The following NFU1 variants were observed in gnomAD, a reference collection of about 807,000 sequenced individuals.
The protein encoded by NFU1 is NFU1 iron-sulfur cluster scaffold homolog, mitochondrial.
In NFU1, 30 loss-of-function variants were observed where a neutral mutation model predicts 32.2. The observed-to-expected ratio is 0.93, with a 90% CI of 0.70 to 1.26. The LOEUF is 1.26. Among genes scored for constraint, NFU1 ranks in the 50% most tolerant of loss-of-function variants. The probability of loss-of-function intolerance (pLI) is 0.00; values close to 1 mark genes in which losing one functional copy is unlikely to be tolerated. For synonymous variants in NFU1, 112 were observed against 104.6 expected, an observed-to-expected ratio of 1.07 and a Z score of -0.43; for missense variants, 306 against 306.6, an observed-to-expected ratio of 1.00 and a Z score of 0.02.
chr2:69,398,969 T>C (rs1416283994), intron 7 of NFU1, among the ~76,000 whole-genome samples: 1 of 152,114 alleles, frequency 6.6e-6, no homozygotes, highest in African/African-American at 2.4e-5. Flanking sequence ...CCTAGCACTC[T>C]GGGAGGCCGA....
intron 5 of NFU1, among the ~76,000 whole-genome samples, chr2:69,411,411 A>C (rs1672873406): frequency 1.3e-5 from 2 of 152,208 alleles, no homozygotes; most frequent in Non-Finnish European, 2.9e-5. Context: ...CAAAAGGCAT[A>C]AACCACAAAG....
At chr2:69,423,518 T>G in intron 3 of NFU1, 64 bp downstream of exon 3, 2 of 1,484,020 alleles carry the variant, frequency 1.3e-6, no homozygotes, top group Non-Finnish European at 1.9e-6. Flanking sequence ...CAGAGTTGTC[T>G]TAACCCCAAA....
chr2:69,438,747 G>T (rs917894775), upstream of NFU1, among the ~76,000 whole-genome samples: 9 of 152,060 alleles, frequency 5.9e-5, no homozygotes, highest in Non-Finnish European at 4.4e-5. Flanking sequence ...GGGTGGGTGG[G>T]TTTCAGGCCT....
chr2:69,417,524 C>A (rs1423395201), intron 4 of NFU1, among the ~76,000 whole-genome samples: 1 of 151,458 alleles, frequency 6.6e-6, no homozygotes. Flanking sequence ...TAGTGGCATG[C>A]ACCTGTAGTC....
chr2:69,405,009 G>A (rs1183690104), intron 6 of NFU1, among the ~76,000 whole-genome samples: 1 of 150,200 alleles, frequency 6.7e-6, no homozygotes, highest in Admixed American at 6.7e-5. Flanking sequence ...AGCACTTTGA[G>A]AAGTTGAGGT....
In NFU1 at chr2:69,397,618, T is replaced by TTA. The variant is rs556775165; in HGVS notation, c.721-1329_721-1328insTA. Reference sequence around the variant, plus strand: ...TGGAACAAAGTAAGGTTTTTTTTTTTAAAAAAAATCTAGGCCAGGCACAGT... The same window carrying TTA: ...TGGAACAAAGTAAGGTTTTTTTTTTTTAAAAAAAAATCTAGGCCAGGCACAGT... On this transcript the variant is annotated intron_variant, in intron 7 of 7. Transcript: ENST00000410022. Among the ~76,000 whole-genome samples, 18 of 150,774 alleles carry TTA rather than the reference T, an allele frequency of 1.2e-4. No homozygotes were observed. In the East Asian group the frequency reaches 1.7e-3, roughly 15 times the overall value.
chr2:69,437,466 A>C (rs763217372), upstream of NFU1: 207 of 1,594,356 alleles, frequency 1.3e-4, no homozygotes, highest in Non-Finnish European at 1.7e-4. Flanking sequence ...GAACCACGAA[A>C]GATCTGCGCA....
At chr2:69,436,077 C>G (rs909389046) in intron 1 of NFU1, among the ~76,000 whole-genome samples, 2 of 152,172 alleles carry the variant, frequency 1.3e-5, no homozygotes, top group Non-Finnish European at 2.9e-5. Context: ...TATTACAGCA[C>G]TCATGACTGT....
At chr2:69,438,397 G>C (rs896521824), upstream of NFU1, among the ~76,000 whole-genome samples, 1 of 152,060 alleles carries the variant, frequency 6.6e-6, no homozygotes, top group African/African-American at 2.4e-5. Context: ...GGGATTACAG[G>C]TGTGAGCCAC....
chr2:69,411,579 C>T (rs1290941311), intron 5 of NFU1, among the ~76,000 whole-genome samples: 2 of 151,894 alleles, frequency 1.3e-5, no homozygotes, highest in Non-Finnish European at 2.9e-5. Context: ...TATATATATA[C>T]AGAGAGAATG....
intron 5 of NFU1, among the ~76,000 whole-genome samples, chr2:69,414,293 C>T (rs1672981715): frequency 6.6e-6 from 1 of 151,932 alleles, no homozygotes; most frequent in South Asian, 2.1e-4. Flanking sequence ...AAATATTACA[C>T]TTAGTAAAAA....
chr2:69,416,879 C>T (rs1040960316), intron 4 of NFU1, among the ~76,000 whole-genome samples: 5 of 152,006 alleles, frequency 3.3e-5, no homozygotes, highest in African/African-American at 9.7e-5. Context: ...GCCTGGGCGA[C>T]GGAGTGAGAC....
chr2:69,411,953 G>A (rs569618270), intron 5 of NFU1, among the ~76,000 whole-genome samples: 4 of 152,130 alleles, frequency 2.6e-5, no homozygotes, highest in African/African-American at 9.7e-5. Flanking sequence ...GCCAGGTGGC[G>A]GTGGTTCATG....
chr2:69,415,956 G>A (rs917419706), intron 4 of NFU1, among the ~76,000 whole-genome samples: 9 of 150,806 alleles, frequency 6.0e-5, no homozygotes, highest in South Asian at 2.1e-4. Context: ...GCGAGACTTC[G>A]TCTCTTTTTA....
intron 4 of NFU1, among the ~76,000 whole-genome samples, chr2:69,417,411 G>C (rs1451487162): frequency 6.6e-6 from 1 of 151,272 alleles, no homozygotes; most frequent in African/African-American, 2.4e-5. Context: ...GGGAGGCCGA[G>C]ACAGAAGGAT....
At chr2:69,438,127 A>T (rs1198083959), upstream of NFU1, among the ~76,000 whole-genome samples, 1 of 152,030 alleles carries the variant, frequency 6.6e-6, no homozygotes, top group African/African-American at 2.4e-5. Flanking sequence ...ACTAGGGGCC[A>T]AAAAAAAGCA....
chr2:69,400,218 C>T, intron 7 of NFU1, 146 bp downstream of exon 7: 1 of 740,336 alleles, frequency 1.4e-6, no homozygotes, highest in African/African-American at 1.8e-5. Flanking sequence ...ATAAAAATTG[C>T]AACACAAAAA....
chr2:69,400,213 A>G (rs1672474966), intron 7 of NFU1, 151 bp downstream of exon 7: 1 of 716,968 alleles, frequency 1.4e-6, no homozygotes, highest in African/African-American at 1.8e-5. Flanking sequence ...GTCTGATAAA[A>G]ATTGCAACAC....
At chr2:69,435,810 T>C (rs1673810285) in intron 1 of NFU1, among the ~76,000 whole-genome samples, 1 of 152,152 alleles carries the variant, frequency 6.6e-6, no homozygotes, top group African/African-American at 2.4e-5. Flanking sequence ...TGAAGTGCAG[T>C]GGCGTGATCT....
Sources: gnomAD v4.1 joint callset for allele counts (sites outside exome capture counted in the v4.1 genomes callset) on GRCh38, gnomAD v4.1.1 for gene constraint, MANE v1.5 for transcripts, NCBI Gene and HGNC (gene_info 2026-07-23, HGNC 2026-07-21) for gene names.